ACTR3C: variants seen among roughly 807,000 people sequenced by gnomAD.
The protein encoded by ACTR3C is actin related protein 3C.
In ACTR3C, 18 loss-of-function variants were observed where a neutral mutation model predicts 26.3. The observed-to-expected ratio is 0.68, with a 90% CI of 0.47 to 1.01. ACTR3C has a LOEUF of 1.01. Ranked by LOEUF, ACTR3C falls within the 50% of genes least tolerant of loss-of-function variation. The pLI is 0.00. For missense variants in ACTR3C, 184 were observed against 250.7 expected, an observed-to-expected ratio of 0.73 and a Z score of 1.80; for synonymous variants, 55 against 94.5, an observed-to-expected ratio of 0.58 and a Z score of 2.42.
chr7:150,069,902 T>C, the ACTR3C span, among the ~76,000 whole-genome samples: 1 of 151,912 alleles, frequency 6.6e-6, no homozygotes, highest in African/African-American at 2.4e-5. Context: ...GGGGAAGGTT[T>C]TCCTATGGCT....
the ACTR3C span, chr7:150,002,208 T>A: frequency 2.0e-5 from 3 of 152,152 alleles, no homozygotes; most frequent in African/African-American, 7.2e-5. Context: ...TCAGAGAAGG[T>A]AAGAAATGAG....
At chr7:150,231,133 A>G in the ACTR3C span, among the ~76,000 whole-genome samples, 4 of 152,134 alleles carry the variant, frequency 2.6e-5, no homozygotes, top group East Asian at 7.7e-4. Context: ...GATAAATTGC[A>G]TTTTCATTTT....
chr7:150,088,040 G>T, the ACTR3C span, among the ~76,000 whole-genome samples: 1 of 152,214 alleles, frequency 6.6e-6, no homozygotes, highest in Non-Finnish European at 1.5e-5. Context: ...TTGTCAGTTT[G>T]TTATTGAATT....
At chr7:149,955,684 A>G in the ACTR3C span, among the ~76,000 whole-genome samples, 1 of 152,176 alleles carries the variant, frequency 6.6e-6, no homozygotes, top group African/African-American at 2.4e-5. Context: ...AAGAGAAACT[A>G]TTAATTATGG....
the ACTR3C span, among the ~76,000 whole-genome samples, chr7:150,051,566 T>G: frequency 1.1e-5 from 1 of 93,094 alleles, no homozygotes; most frequent in Non-Finnish European, 2.4e-5. Flanking sequence ...TCCTACTTAT[T>G]GGGTGTGAGA....
the ACTR3C span, among the ~76,000 whole-genome samples, chr7:150,023,387 G>A: frequency 1.4e-5 from 2 of 140,190 alleles, no homozygotes; most frequent in African/African-American, 5.3e-5. Flanking sequence ...AGGCTGGAGT[G>A]CAGTGGCACA....
chr7:150,281,817 C>G (rs1165730787), intron 6 of ACTR3C, among the ~76,000 whole-genome samples: 4 of 150,658 alleles, frequency 2.7e-5, no homozygotes, highest in Non-Finnish European at 5.9e-5. Context: ...TATAGGAACC[C>G]AGCCACTCCT....
chr7:150,239,540 CTATATA>C (rs869280836), downstream of ACTR3C, among the ~76,000 whole-genome samples: 50 of 90,168 alleles, frequency 5.5e-4, 1 homozygote, highest in South Asian at 3.8e-3. Context: ...CTCTCTCTCT[CTATATA>C]TATATATATA....
chr7:150,226,307 T>C, the ACTR3C span, among the ~76,000 whole-genome samples: 2 of 148,516 alleles, frequency 1.3e-5, no homozygotes, highest in Admixed American at 1.3e-4. Context: ...TCATTTCGCA[T>C]TCCCATAAAC....
At chr7:150,289,651 C>G in intron 3 of ACTR3C, 58 bp from the exon 4 acceptor site, 1 of 1,574,520 alleles carries the variant, frequency 6.4e-7, no homozygotes, top group South Asian at 1.2e-5. Context: ...GGAGAGCAGC[C>G]TGGACTCACG....
the ACTR3C span, among the ~76,000 whole-genome samples, chr7:150,029,798 G>T: frequency 6.6e-6 from 1 of 151,930 alleles, no homozygotes; most frequent in Non-Finnish European, 1.5e-5. Flanking sequence ...CCACATGCAC[G>T]AGTCTCCAGG....
At chr7:149,896,877 TG>T in the ACTR3C span, among the ~76,000 whole-genome samples, 1 of 151,708 alleles carries the variant, frequency 6.6e-6, no homozygotes, top group African/African-American at 2.4e-5. Flanking sequence ...CTGACCAACA[TG>T]GTGAAACCTC....
chr7:149,900,516 GAA>G, the ACTR3C span, among the ~76,000 whole-genome samples: 1 of 151,866 alleles, frequency 6.6e-6, no homozygotes, highest in East Asian at 1.9e-4. Context: ...ATATTAAAAA[GAA>G]TGGCTAAAGG....
the ACTR3C span, among the ~76,000 whole-genome samples, chr7:150,088,635 G>T: frequency 6.6e-6 from 1 of 152,272 alleles, no homozygotes; most frequent in South Asian, 2.1e-4. Flanking sequence ...ATTAAAAAAA[G>T]ATATTACATA....
At chr7:150,235,428 T>C in the ACTR3C span, among the ~76,000 whole-genome samples, 9,089 of 152,296 alleles carry the variant, frequency 0.06, 493 homozygotes, top group African/African-American at 0.14. Flanking sequence ...CTTGCTTCTC[T>C]GCAATGTAGC....
At chr7:150,034,884 C>T in the ACTR3C span, among the ~76,000 whole-genome samples, 3 of 147,620 alleles carry the variant, frequency 2.0e-5, no homozygotes, top group East Asian at 4.1e-4. Flanking sequence ...GCTCTCAGTC[C>T]CTACCTCGCG....
chr7:150,048,470 G>A, the ACTR3C span, among the ~76,000 whole-genome samples: 1 of 152,146 alleles, frequency 6.6e-6, no homozygotes, highest in Non-Finnish European at 1.5e-5. Flanking sequence ...GGGACCACGC[G>A]GGTCGTGGGT....
the ACTR3C span, among the ~76,000 whole-genome samples, chr7:150,105,524 A>G: frequency 3.9e-5 from 6 of 151,934 alleles, no homozygotes; most frequent in East Asian, 7.7e-4. Context: ...TGCCATGGCT[A>G]TTAGGAAGCT....
chr7:150,141,736 C>A, the ACTR3C span, among the ~76,000 whole-genome samples: 1 of 152,080 alleles, frequency 6.6e-6, no homozygotes, highest in Non-Finnish European at 1.5e-5. Flanking sequence ...ACGGCGTGCT[C>A]TGCCTAGCAG....
Sources: gnomAD v4.1 joint callset for allele counts (sites outside exome capture counted in the v4.1 genomes callset) on GRCh38, gnomAD v4.1.1 for gene constraint, MANE v1.5 for transcripts, NCBI Gene and HGNC (gene_info 2026-07-23, HGNC 2026-07-21) for gene names.